Variants in C3orf52 observed in about 807,000 individuals in gnomAD.
The protein encoded by C3orf52 is chromosome 3 open reading frame 52, also known as TPA-induced transmembrane protein.
In C3orf52, 22 loss-of-function variants were observed where a neutral mutation model predicts 24.8. That is an observed-to-expected ratio of 0.89 (90% CI 0.63 to 1.27). The LOEUF is 1.27. C3orf52 is among the 50% of genes most tolerant of loss of function. C3orf52 has a pLI of 0.00. For synonymous variants in C3orf52, 93 were observed against 100.2 expected, an observed-to-expected ratio of 0.93 and a Z score of 0.43; for missense variants, 265 against 260.7, an observed-to-expected ratio of 1.02 and a Z score of -0.11.
At chr3:112,087,725 G>A (rs189742165) in intron 1 of C3orf52, among the ~76,000 whole-genome samples, 9 of 152,362 alleles carry the variant, frequency 5.9e-5, no homozygotes, top group Admixed American at 2.6e-4. Flanking sequence ...CTGGTCACCA[G>A]TGCAAGTGGC....
chr3:112,086,527 G>C lies in C3orf52; in HGVS notation c.120G>C (p.Glu40Asp). ...GADKVFPSLD[E>D]EVPPAEANKE... ...ACAAGGTCTTCCCTTCTTTGGACGA[G>C]GAGGTCCCCCCGGCCGAGGTAAGGT... Residue 40 changes from glutamate to aspartate, a missense_variant, in exon 1 of 6, where the codon GAG (glutamate) becomes GAC (aspartate). Transcript: ENST00000264848. 1 of 1,551,194 alleles carries C rather than the reference G, an allele frequency of 6.4e-7. No homozygotes were observed.
At chr3:112,093,052 T>C (rs1038972038) in intron 1 of C3orf52, among the ~76,000 whole-genome samples, 1 of 152,194 alleles carries the variant, frequency 6.6e-6, no homozygotes, top group Non-Finnish European at 1.5e-5. Context: ...GCTAGTCTGC[T>C]GGCCGGTTCC....
chr3:112,112,695 A>G (rs2074095185), intron 4 of C3orf52: 3 of 445,850 alleles, frequency 6.7e-6, no homozygotes, highest in Admixed American at 3.4e-5. Flanking sequence ...GGGCACCTCT[A>G]CCTCTACCTC....
At chr3:112,131,797 A>G (rs1425780755), downstream of C3orf52, among the ~76,000 whole-genome samples, 1 of 152,242 alleles carries the variant, frequency 6.6e-6, no homozygotes, top group Non-Finnish European at 1.5e-5. Context: ...AAGAGCAAAG[A>G]ATTTTAAGCA....
rs756105032 is a variant in C3orf52 at position 112,086,533 on chromosome 3, C to A, written c.126C>A (p.Val42=). 1.2e-5 allele frequency: 18 copies of A among 1,549,588 alleles called. No individual in the cohort carries two copies. Among genetic ancestry groups the A allele is most frequent in the Non-Finnish European group, 1.6e-5 (18 of 1,145,804 alleles). Reference sequence around the variant, plus strand: ...TCTTCCCTTCTTTGGACGAGGAGGTCCCCCCGGCCGAGGTAAGGTCCCCTT... The same window carrying A: ...TCTTCCCTTCTTTGGACGAGGAGGTACCCCCGGCCGAGGTAAGGTCCCCTT... ...DKVFPSLDEE[V]PPAEANKESP... The change falls in exon 1 of 6, where the codon GTC becomes GTA. Residue 42 remains valine, a synonymous_variant. Transcript: ENST00000264848.
At position 112,109,276 on chromosome 3, in the gene C3orf52, T is replaced by C. The variant is rs145734410; in HGVS notation, c.397-267T>C. Among the ~76,000 whole-genome samples, 22 of 152,328 alleles carry C rather than the reference T, an allele frequency of 1.4e-4. No homozygotes were observed. The East Asian group carries it at 4.0e-3, about 28-fold the overall frequency. ...CCTGTGTGGGCTCCAGCTGCTGATATTCTCACCACTAAGGCCACAGGGTGC... is the reference window on the plus strand; with the variant it reads ...CCTGTGTGGGCTCCAGCTGCTGATACTCTCACCACTAAGGCCACAGGGTGC... On this transcript the variant is annotated intron_variant, in intron 3 of 5. Transcript: ENST00000264848.
At chr3:112,127,171 T>G in intron 4 of C3orf52, 3 of 556,924 alleles carry the variant, frequency 5.4e-6, no homozygotes, top group Non-Finnish European at 9.3e-6. Flanking sequence ...ATAGATGAGT[T>G]AAGTAAAAAA....
chr3:112,131,320 C>T (rs1384836990), downstream of C3orf52, among the ~76,000 whole-genome samples: 1 of 152,084 alleles, frequency 6.6e-6, no homozygotes, highest in Non-Finnish European at 1.5e-5. Flanking sequence ...GGATGAGTGC[C>T]ATTCTATTCT....
downstream of C3orf52, chr3:112,130,234 G>T: frequency 1.7e-6 from 1 of 582,614 alleles, no homozygotes; most frequent in Non-Finnish European, 3.1e-6. Context: ...CCTGTTGCTA[G>T]GAGTTACATT....
chr3:112,125,526 T>C (rs1369288320), intron 4 of C3orf52, among the ~76,000 whole-genome samples: 3 of 152,220 alleles, frequency 2.0e-5, no homozygotes, highest in Non-Finnish European at 4.4e-5. Flanking sequence ...CCAGCTCTCT[T>C]TCCCTCCTTA....
At chr3:112,123,260 G>T (rs1176742164) in intron 4 of C3orf52, 9 of 1,004,490 alleles carry the variant, frequency 9.0e-6, no homozygotes, top group Non-Finnish European at 1.3e-5. Flanking sequence ...GTGTTGTTCA[G>T]GATAAATGGT....
rs755553530 is a variant in C3orf52, at chr3:112,102,925, G to A, written c.356G>A (p.Cys119Tyr). Residue 119 changes from cysteine (C) to tyrosine (Y), a missense_variant, in exon 3 of 6, where the codon TGT (cysteine) becomes TAT (tyrosine). Transcript: ENST00000264848. Reference protein sequence around the residue: ...FFIMLKIPEECVAEEELPHLL... With the variant: ...FFIMLKIPEEYVAEEELPHLL... Reference sequence around the variant, plus strand: ...ATCATGCTGAAGATTCCAGAGGAGTGTGTTGCTGAAGAGGAATTGCCTCAC... The same window carrying A: ...ATCATGCTGAAGATTCCAGAGGAGTATGTTGCTGAAGAGGAATTGCCTCAC... 3.7e-6 allele frequency: 6 copies of A among 1,611,988 alleles called. No homozygotes were observed. In the South Asian group the frequency reaches 6.6e-5, roughly 18 times the overall value.
At chr3:112,093,326 A>G (rs770305364) in intron 1 of C3orf52, 34 bp from the exon 2 acceptor site, 7 of 1,611,266 alleles carry the variant, frequency 4.3e-6, no homozygotes, top group Middle Eastern at 1.6e-4. Flanking sequence ...TTGCAACACA[A>G]TGACTGCCTC....
At chr3:112,126,243 T>G (rs1166888371) in intron 4 of C3orf52, among the ~76,000 whole-genome samples, 1 of 152,230 alleles carries the variant, frequency 6.6e-6, no homozygotes, top group African/African-American at 2.4e-5. Flanking sequence ...TTACACATCT[T>G]GCAGGGCTAG....
rs200709027 is a variant in C3orf52 at position 112,123,645 on chromosome 3, C to G, written c.*46+4083C>G. The G allele has an allele frequency of 3.6e-5, 58 of 1,614,144 alleles. No individual in the cohort carries two copies. In the Admixed American group the frequency reaches 4.0e-4, roughly 11 times the overall value. On this transcript the variant is annotated intron_variant, in intron 4 of 4. Coordinates refer to the C3orf52 transcript ENST00000480282. ...AGTTCCTCCCAAGGACTCTCTGGGTCTCTCAGCTTTGCAGGGAACATTCTC... is the reference window on the plus strand; with the variant it reads ...AGTTCCTCCCAAGGACTCTCTGGGTGTCTCAGCTTTGCAGGGAACATTCTC...
intron 3 of C3orf52, among the ~76,000 whole-genome samples, chr3:112,106,590 C>T (rs1185319134): frequency 2.6e-5 from 4 of 152,152 alleles, no homozygotes; most frequent in East Asian, 3.8e-4. Context: ...ATGTACCCGG[C>T]GCCCCTGTCA....
chr3:112,109,986 T>C (rs758205353), intron 4 of C3orf52, among the ~76,000 whole-genome samples: 3 of 152,154 alleles, frequency 2.0e-5, no homozygotes, highest in Non-Finnish European at 4.4e-5. Flanking sequence ...GCATTTGCTT[T>C]TGAGGAGCAC....
chr3:112,086,669 G>C, intron 1 of C3orf52, 124 bp downstream of exon 1: 1 of 1,259,562 alleles, frequency 7.9e-7, no homozygotes, highest in Non-Finnish European at 1.1e-6. Context: ...AGCGAGGGTG[G>C]GGCGCGCTCG....
chr3:112,096,357 C>T (rs1197770836), intron 2 of C3orf52, among the ~76,000 whole-genome samples: 1 of 152,162 alleles, frequency 6.6e-6, no homozygotes, highest in African/African-American at 2.4e-5. Flanking sequence ...ACCCCAAAGG[C>T]CCAGGGCTTA....
Sources: gnomAD v4.1 joint callset for allele counts (sites outside exome capture counted in the v4.1 genomes callset) on GRCh38, gnomAD v4.1.1 for gene constraint, MANE v1.5 for transcripts, NCBI Gene and HGNC (gene_info 2026-07-23, HGNC 2026-07-21) for gene names.